The following IARS2 variants were observed in gnomAD, a reference collection of about 807,000 sequenced individuals.
IARS2 encodes isoleucyl-tRNA synthetase 2, mitochondrial, also known as isoleucine--tRNA ligase, mitochondrial.
IARS2 carries 56 observed loss-of-function variants against 126.3 expected under a neutral mutation model. The ratio of observed to expected loss-of-function variants is 0.44; its 90% CI spans 0.36 to 0.55. The LOEUF is 0.55. Among genes scored for constraint, IARS2 ranks in the 20% least tolerant of loss-of-function variants. The pLI, the probability that IARS2 is intolerant of heterozygous loss-of-function variation, is 0.00. For synonymous variants in IARS2, 407 were observed against 441.1 expected (o/e 0.92, Z 0.97); for missense variants, 1,127 against 1,245.9 (o/e 0.90, Z 1.44).
intron 22 of IARS2, among the ~76,000 whole-genome samples, 200 bp downstream of exon 22, chr1:220,145,853 G>A (rs1657576006): frequency 6.6e-6 from 1 of 152,180 alleles, no homozygotes; most frequent in Non-Finnish European, 1.5e-5. Flanking sequence ...TGGGAACTGA[G>A]GGCTAGGGAC....
chr1:220,146,440 C>A (rs1240784660), intron 22 of IARS2, among the ~76,000 whole-genome samples: 2 of 141,666 alleles, frequency 1.4e-5, no homozygotes, highest in African/African-American at 5.3e-5. Flanking sequence ...ATGGCGTGAA[C>A]CCCGGAGGCG....
At chr1:220,126,899 G>C in intron 14 of IARS2, 56 bp downstream of exon 14, 1 of 1,192,358 alleles carries the variant, frequency 8.4e-7, no homozygotes, top group East Asian at 2.4e-5. Flanking sequence ...TATGGAATTG[G>C]TATTTAGAAG....
At chr1:220,120,605 A>G (rs1240658585) in intron 12 of IARS2, among the ~76,000 whole-genome samples, 1 of 152,044 alleles carries the variant, frequency 6.6e-6, no homozygotes, top group African/African-American at 2.4e-5. Context: ...TGAAGTCCTT[A>G]GCTCAAATGA....
At chr1:220,129,147 G>T (rs996384200) in intron 14 of IARS2, among the ~76,000 whole-genome samples, 8 of 152,096 alleles carry the variant, frequency 5.3e-5, no homozygotes, top group African/African-American at 1.7e-4. Flanking sequence ...CTCCCAAAGT[G>T]CTGGGATTAC....
intron 14 of IARS2, among the ~76,000 whole-genome samples, chr1:220,130,166 A>T (rs1332149313): frequency 1.3e-5 from 2 of 152,184 alleles, no homozygotes; most frequent in Non-Finnish European, 2.9e-5. Flanking sequence ...ATCCTTTGAG[A>T]AATGTCTGTT....
intron 12 of IARS2, among the ~76,000 whole-genome samples, chr1:220,124,933 G>A (rs981426869): frequency 6.6e-6 from 1 of 152,192 alleles, no homozygotes; most frequent in African/African-American, 2.4e-5. Context: ...GAGAGAATGT[G>A]TTGGTTTAAT....
At chr1:220,108,461 A>G (rs1244041015) in intron 10 of IARS2, among the ~76,000 whole-genome samples, 2 of 151,408 alleles carry the variant, frequency 1.3e-5, no homozygotes, top group Non-Finnish European at 2.9e-5. Context: ...ATCTTGGCTC[A>G]CTGCAAGCTC....
In IARS2 at chr1:220,114,350, G is replaced by A; in HGVS notation, c.1516G>A (p.Ala506Thr). Reference sequence around the variant, plus strand: ...AAAGGTGAAATTTATTCCTGGATCAGCACTGAATGGCATGGTTGAAATGAT... The same window carrying A: ...AAAGGTGAAATTTATTCCTGGATCAACACTGAATGGCATGGTTGAAATGAT... ...LKKVKFIPGS[A>T]LNGMVEMMDR... Residue 506 changes from alanine to threonine, a missense_variant, in exon 12 of 23, where the codon GCA becomes ACA. Coordinates refer to ENST00000366922, the MANE Select transcript of IARS2 (RefSeq NM_018060.4). 2 of 1,613,910 alleles carry A rather than the reference G, an allele frequency of 1.2e-6. No individual in the cohort carries two copies.
intron 2 of IARS2, 127 bp downstream of exon 2, chr1:220,096,353 TAGAA>T (rs1412922055): frequency 3.0e-6 from 2 of 676,378 alleles, no homozygotes; most frequent in Non-Finnish European, 4.6e-6. Flanking sequence ...AACATTTTCA[TAGAA>T]AGCAATATAC....
At chr1:220,143,764 A>G (rs889269185) in intron 21 of IARS2, among the ~76,000 whole-genome samples, 3 of 152,138 alleles carry the variant, frequency 2.0e-5, no homozygotes, top group Admixed American at 6.5e-5. Context: ...CAAAGCATTT[A>G]TCCTATTTTT....
Position 220,112,392 on chromosome 1 carries a change from C to T in IARS2, c.1479+1455C>T, listed in dbSNP as rs1236310141. Among the ~76,000 whole-genome samples the T allele has an allele frequency of 3.2e-5, 2 of 62,092 alleles. 1 individual carries two copies. The highest frequency in any genetic ancestry group is 6.7e-5 in the Non-Finnish European group (2 of 29,890). 40.7% of individuals were successfully genotyped at this position (62,092 alleles called of 152,430 possible). On this transcript the variant is annotated intron_variant, in intron 11 of 22. Coordinates refer to ENST00000366922, the MANE Select transcript of IARS2 (RefSeq NM_018060.4). ...CTCATGATCCACCCGCCTCGGCCTC[C>T]CAAAGTGCTGGGATTACAGGCGTGA...
chr1:220,144,388 T>A (rs1657549002), intron 21 of IARS2: 1 of 596,016 alleles, frequency 1.7e-6, no homozygotes, highest in Admixed American at 3.0e-5. Flanking sequence ...AGCTATTTTT[T>A]AAAAGTTTTA....
At chr1:220,123,858 A>G (rs1190920139) in intron 12 of IARS2, among the ~76,000 whole-genome samples, 7 of 152,266 alleles carry the variant, frequency 4.6e-5, no homozygotes, top group Non-Finnish European at 8.8e-5. Context: ...TCTGTGAATT[A>G]TCAGGCCCAG....
intron 14 of IARS2, among the ~76,000 whole-genome samples, chr1:220,128,761 A>G (rs183600749): frequency 2.3e-4 from 35 of 152,268 alleles, no homozygotes; most frequent in African/African-American, 7.5e-4. Context: ...TGCTGCTACC[A>G]TTGTTGCTTT....
rs200054080 is a variant in IARS2, at chr1:220,107,094, G to T, written c.1270G>T (p.Asp424Tyr). The change falls in exon 10 of 23, where the codon GAT (aspartate) becomes TAT (tyrosine). Residue 424 changes from aspartate (D) to tyrosine (Y), a missense_variant. Transcript: ENST00000366922. ...CLVDEDGVFT[D>Y]VAGPELQNKA... ...AGTGGACGAAGATGGAGTTTTCACA[G>T]ATGTTGCAGGTCCTGAACTTCAAAA... 6.2e-7 allele frequency: 1 copy of T among 1,613,520 alleles called. No homozygotes were observed. The highest frequency in any genetic ancestry group is 2.2e-5 in the East Asian group (1 of 44,866).
At chr1:220,113,621 C>T (rs114000129) in intron 11 of IARS2, among the ~76,000 whole-genome samples, 2,721 of 143,368 alleles carry the variant, frequency 0.019, 42 homozygotes, top group South Asian at 0.094. Flanking sequence ...AGCCATTTGT[C>T]GATAGATATA....
In IARS2 at chr1:220,139,011, A is replaced by T. The variant is rs1657436621; in HGVS notation, c.2179A>T (p.Arg727Trp). The T allele has an allele frequency of 6.2e-7, 1 of 1,611,726 alleles. No individual in the cohort carries two copies. Among genetic ancestry groups the T allele is most frequent in the Non-Finnish European group, 8.5e-7 (1 of 1,179,310 alleles). The change falls in exon 18 of 23, where the codon AGG becomes TGG. Residue 727 changes from arginine to tryptophan, a missense_variant. Arg to Trp is a moderately radical substitution (Grantham distance 101). Transcript: ENST00000366922. The stretch of plus-strand genomic sequence containing the variant: ...TATTTTTTCTTCCTATGAATAGCTT[A>T]GGAATACACTTCGCTTTCTTTTGGG... ...NAARDDISKL[R>W]NTLRFLLGNV...
In IARS2 at chr1:220,144,077, T is replaced by C; in HGVS notation, c.2751+943T>C. On this transcript the variant is annotated intron_variant, in intron 21 of 22. Transcript: ENST00000366922. ...CCAAACTGGCGGGATGGAAGCAGAT[T>C]ATTTTGCCATTTTTCTAGATCTTTG... The C allele has an allele frequency of 2.6e-6, 3 of 1,160,170 alleles. No individual in the cohort carries two copies. In the South Asian group the frequency reaches 3.6e-5, roughly 14 times the overall value. The allele number at this position is 1,160,170 out of a possible 1,614,324, so 71.9% of individuals were successfully genotyped here.
intron 18 of IARS2, 43 bp from the exon 19 acceptor site, chr1:220,140,140 T>TGGAA (rs754084676): frequency 3.1e-5 from 35 of 1,115,204 alleles, no homozygotes; most frequent in Non-Finnish European, 4.4e-5. Context: ...CATTTTCATT[T>TGGAA]GCCTGTCTCA....
Sources: gnomAD v4.1 joint callset for allele counts (sites outside exome capture counted in the v4.1 genomes callset) on GRCh38, gnomAD v4.1.1 for gene constraint, MANE v1.5 for transcripts, NCBI Gene and HGNC (gene_info 2026-07-23, HGNC 2026-07-21) for gene names.